The following PPP3CA variants were observed in gnomAD, a reference collection of about 807,000 sequenced individuals.
PPP3CA encodes the protein protein phosphatase 3 catalytic subunit alpha.
Under a neutral mutation model 66.5 loss-of-function variants are expected in PPP3CA, and 14 were observed. The ratio of observed to expected loss-of-function variants is 0.21; its 90% CI spans 0.14 to 0.33. PPP3CA has a LOEUF of 0.33. Ranked by LOEUF, PPP3CA falls within the 10% of genes least tolerant of loss-of-function variation. The pLI, the probability that PPP3CA is intolerant of heterozygous loss-of-function variation, is 1.00. For missense variants in PPP3CA, 317 were observed against 639.5 expected (o/e 0.50, Z 5.44); for synonymous variants, 232 against 226.2 (o/e 1.03, Z -0.23).
intron 1 of PPP3CA, among the ~76,000 whole-genome samples, chr4:101,259,736 C>A (rs1726955970): frequency 6.6e-6 from 1 of 152,064 alleles, no homozygotes; most frequent in Non-Finnish European, 1.5e-5. Context: ...CACACACCAT[C>A]CTAAAGGATG....
chr4:101,167,717 G>A (rs558495359), intron 2 of PPP3CA, among the ~76,000 whole-genome samples: 7 of 152,256 alleles, frequency 4.6e-5, no homozygotes, highest in Non-Finnish European at 1.0e-4. Flanking sequence ...CCCTTAGGAG[G>A]TGACTTCTAA....
intron 2 of PPP3CA, among the ~76,000 whole-genome samples, chr4:101,189,302 TA>T (rs1724512269): frequency 6.6e-6 from 1 of 152,144 alleles, no homozygotes; most frequent in African/African-American, 2.4e-5. Context: ...AAATTATTTT[TA>T]AATAGAATAA....
chr4:101,073,674 G>A (rs2110234227), intron 8 of PPP3CA, among the ~76,000 whole-genome samples: 1 of 152,060 alleles, frequency 6.6e-6, no homozygotes, highest in Non-Finnish European at 1.5e-5. Flanking sequence ...AACTCTCTTA[G>A]GCTTAATAAT....
At chr4:101,112,982 ATCC>A (rs1013162749) in intron 2 of PPP3CA, among the ~76,000 whole-genome samples, 1 of 152,100 alleles carries the variant, frequency 6.6e-6, no homozygotes, top group Non-Finnish European at 1.5e-5. Flanking sequence ...TAATTTGAAA[ATCC>A]TCAACTAAGA....
At chr4:101,201,568 G>A (rs1193593482) in intron 1 of PPP3CA, among the ~76,000 whole-genome samples, 1 of 152,176 alleles carries the variant, frequency 6.6e-6, no homozygotes, top group African/African-American at 2.4e-5. Flanking sequence ...CTCCACACCA[G>A]TCAATCAACC....
intron 1 of PPP3CA, among the ~76,000 whole-genome samples, chr4:101,209,664 T>G (rs927973479): frequency 1.3e-5 from 2 of 152,130 alleles, no homozygotes; most frequent in Non-Finnish European, 2.9e-5. Flanking sequence ...TGAATAGACA[T>G]AGAATGATGT....
intron 1 of PPP3CA, among the ~76,000 whole-genome samples, chr4:101,308,903 C>A (rs1469514257): frequency 6.6e-6 from 1 of 152,208 alleles, no homozygotes; most frequent in Admixed American, 6.5e-5. Context: ...GAGTTTTCTA[C>A]AAAGACCTCC....
At position 101,311,540 on chromosome 4, in the gene PPP3CA, G is replaced by A. The variant is rs1308928530; in HGVS notation, c.58+35199C>T. Among the ~76,000 whole-genome samples the A allele has an allele frequency of 3.9e-5, 6 of 152,106 alleles. 1 individual carries two copies. The South Asian group carries it at 8.3e-4, about 21-fold the overall frequency. ...TATGCTTGTGATTCCAACACTTTGG[G>A]AGGCCAAAGTGGGCAGATCACTTGA... On this transcript the variant is annotated intron_variant, in intron 1 of 13. Transcript: ENST00000394854.
chr4:101,262,751 T>A (rs1727048054), intron 1 of PPP3CA, among the ~76,000 whole-genome samples: 1 of 152,162 alleles, frequency 6.6e-6, no homozygotes, highest in Admixed American at 6.6e-5. Context: ...CTTCTAGGAA[T>A]AATCAGAAAA....
chr4:101,295,306 T>A (rs1328665445), intron 1 of PPP3CA, among the ~76,000 whole-genome samples: 3 of 68,940 alleles, frequency 4.4e-5, no homozygotes, highest in South Asian at 5.0e-4. Flanking sequence ...AGACTCCGTC[T>A]CAAAAAAAAA....
At chr4:101,207,016 A>T (rs974677813) in intron 1 of PPP3CA, among the ~76,000 whole-genome samples, 2 of 152,234 alleles carry the variant, frequency 1.3e-5, no homozygotes, top group Non-Finnish European at 2.9e-5. Flanking sequence ...ATCAAAAGTG[A>T]GCAACAGATA....
intron 1 of PPP3CA, among the ~76,000 whole-genome samples, chr4:101,237,909 A>G (rs979879485): frequency 6.6e-6 from 1 of 152,004 alleles, no homozygotes; most frequent in African/African-American, 2.4e-5. Flanking sequence ...CAAGACTGTA[A>G]AGACCAAACT....
intron 2 of PPP3CA, among the ~76,000 whole-genome samples, chr4:101,110,751 G>A (rs1237877814): frequency 6.6e-6 from 1 of 152,166 alleles, no homozygotes; most frequent in Non-Finnish European, 1.5e-5. Context: ...AGACATATGT[G>A]CTTTCTTGTA....
chr4:101,104,039 T>TG (rs769146404), intron 3 of PPP3CA, among the ~76,000 whole-genome samples: 38 of 152,088 alleles, frequency 2.5e-4, no homozygotes, highest in Non-Finnish European at 3.4e-4. Flanking sequence ...AAGACTGGGG[T>TG]GGGGGTAATG....
chr4:101,192,439 A>T (rs1724637376), intron 2 of PPP3CA, among the ~76,000 whole-genome samples: 1 of 152,088 alleles, frequency 6.6e-6, no homozygotes, highest in Non-Finnish European at 1.5e-5. Flanking sequence ...TTCCCTATAG[A>T]ATGGTATCAG....
At chr4:101,302,561 A>G (rs1454477387) in intron 1 of PPP3CA, among the ~76,000 whole-genome samples, 1 of 151,984 alleles carries the variant, frequency 6.6e-6, no homozygotes, top group Non-Finnish European at 1.5e-5. Flanking sequence ...ATGGAATTTC[A>G]CTCTTGTTGC....
intron 1 of PPP3CA, among the ~76,000 whole-genome samples, chr4:101,343,255 A>ATTTG (rs1729873612): frequency 6.6e-6 from 1 of 152,184 alleles, no homozygotes; most frequent in Non-Finnish European, 1.5e-5. Flanking sequence ...AACAAAGCCA[A>ATTTG]ATACTCATTA....
At chr4:101,252,355 T>C (rs1006092665) in intron 1 of PPP3CA, among the ~76,000 whole-genome samples, 2 of 152,224 alleles carry the variant, frequency 1.3e-5, no homozygotes, top group African/African-American at 2.4e-5. Context: ...GGTAGGGTTG[T>C]AAATACAGTA....
At chr4:101,111,174 C>T (rs549309304) in intron 2 of PPP3CA, among the ~76,000 whole-genome samples, 1 of 152,246 alleles carries the variant, frequency 6.6e-6, no homozygotes, top group Admixed American at 6.5e-5. Context: ...ATCTGTCATA[C>T]ATATGACATG....
Sources: gnomAD v4.1 joint callset for allele counts (sites outside exome capture counted in the v4.1 genomes callset) on GRCh38, gnomAD v4.1.1 for gene constraint, MANE v1.5 for transcripts, NCBI Gene and HGNC (gene_info 2026-07-23, HGNC 2026-07-21) for gene names.